MAP7: variants seen among roughly 807,000 people sequenced by gnomAD.
MAP7 encodes the protein ensconsin.
Under a neutral mutation model 94.8 loss-of-function variants are expected in MAP7, and 52 were observed. The ratio of observed to expected loss-of-function variants is 0.55; its 90% confidence interval spans 0.44 to 0.69. The LOEUF is 0.69. Among genes scored for constraint, MAP7 ranks in the 30% least tolerant of loss-of-function variants. MAP7 has a pLI of 0.00. For synonymous variants in MAP7, 350 were observed against 357.0 expected (o/e 0.98, Z 0.22); for missense variants, 940 against 964.6 (o/e 0.97, Z 0.34).
intron 1 of MAP7, among the ~76,000 whole-genome samples, chr6:136,438,955 AG>A (rs1470884649): frequency 1.3e-5 from 2 of 152,216 alleles, no homozygotes; most frequent in Non-Finnish European, 2.9e-5. Flanking sequence ...GCCAAAATTC[AG>A]GCTACAGAAT....
intron 10 of MAP7, among the ~76,000 whole-genome samples, chr6:136,363,327 C>T (rs1793360389): frequency 6.6e-6 from 1 of 152,196 alleles, no homozygotes; most frequent in South Asian, 2.1e-4. Flanking sequence ...AGGAAGATGA[C>T]CTAGAGAGCT....
chr6:136,496,911 G>A (rs767591939), intron 1 of MAP7, among the ~76,000 whole-genome samples: 25 of 151,176 alleles, frequency 1.7e-4, no homozygotes, highest in Middle Eastern at 3.4e-3. Flanking sequence ...CGGAGATCGC[G>A]CCACTGCACT....
At chr6:136,349,501 G>GT (rs1279997858) in intron 16 of MAP7, among the ~76,000 whole-genome samples, 1 of 152,070 alleles carries the variant, frequency 6.6e-6, no homozygotes, top group African/African-American at 2.4e-5. Context: ...AGCCTCCCGC[G>GT]TATCTGGGAC....
At chr6:136,509,234 T>C (rs529753560) in intron 1 of MAP7, among the ~76,000 whole-genome samples, 1 of 152,342 alleles carries the variant, frequency 6.6e-6, no homozygotes, top group Non-Finnish European at 1.5e-5. Flanking sequence ...CCAGTGTCAG[T>C]GGCCAACAGT....
intron 1 of MAP7, chr6:136,526,584 G>T (rs76374072): frequency 1.0e-6 from 1 of 985,362 alleles, no homozygotes; most frequent in Admixed American, 6.1e-5. Context: ...CTGGGTTCTG[G>T]GAACTCACCA....
At chr6:136,404,431 C>CTTTGAA (rs1785020106) in intron 3 of MAP7, among the ~76,000 whole-genome samples, 1 of 149,788 alleles carries the variant, frequency 6.7e-6, no homozygotes, top group African/African-American at 2.4e-5. Flanking sequence ...TATAATTTAA[C>CTTTGAA]CAAAGTTTGT....
At chr6:136,356,920 C>T in intron 15 of MAP7, 126 bp from the exon 16 acceptor site, 2 of 685,428 alleles carry the variant, frequency 2.9e-6, no homozygotes, top group Non-Finnish European at 5.2e-6. Context: ...AGACCTTGGG[C>T]ACATCACCTA....
chr6:136,407,370 T>C (rs1025351828), intron 3 of MAP7, among the ~76,000 whole-genome samples: 7 of 152,214 alleles, frequency 4.6e-5, no homozygotes, highest in Non-Finnish European at 8.8e-5. Flanking sequence ...GTGATAGTTA[T>C]GCAAGATATA....
chr6:136,412,356 G>T (rs1298886469), intron 2 of MAP7, among the ~76,000 whole-genome samples: 1 of 151,922 alleles, frequency 6.6e-6, no homozygotes, highest in East Asian at 1.9e-4. Flanking sequence ...ACCAAAAAAA[G>T]ACAAAAACCT....
At chr6:136,494,903 C>T (rs1020174802) in intron 1 of MAP7, among the ~76,000 whole-genome samples, 2 of 152,110 alleles carry the variant, frequency 1.3e-5, no homozygotes, top group South Asian at 2.1e-4. Context: ...TCCATAGATA[C>T]CACAGATGAA....
intron 11 of MAP7, 106 bp from the exon 12 acceptor site, chr6:136,361,285 T>A: frequency 2.6e-6 from 3 of 1,169,050 alleles, no homozygotes; most frequent in South Asian, 1.3e-5. Flanking sequence ...AGGCGTCCAG[T>A]AGAAAAATCC....
In MAP7 at chr6:136,505,271, GTGTGTGTATATATATATA is replaced by G. The variant is rs1279035967; in HGVS notation, c.67+45053_67+45070del. 1.9e-4 allele frequency among the ~76,000 whole-genome samples: 18 copies of G among 95,454 alleles called. No individual in the cohort carries two copies. The East Asian group carries it at 3.7e-3, about 20-fold the overall frequency. 62.6% of individuals were successfully genotyped at this position (95,454 alleles called of 152,430 possible). A position where few individuals can be genotyped will look rare whatever the true frequency, so the allele number is the denominator to read the frequency against. ...ATGTAATGTGTGTGTGTGTGTGTGT[GTGTGTGTATATATATATA>G]TATATATATATATATATATATATAG... On this transcript the variant is annotated intron_variant, in intron 1 of 17. Transcript: ENST00000354570.
intron 7 of MAP7, among the ~76,000 whole-genome samples, chr6:136,373,631 T>C (rs1179214798): frequency 6.6e-6 from 1 of 152,210 alleles, no homozygotes; most frequent in Non-Finnish European, 1.5e-5. Flanking sequence ...CAGATCTCAT[T>C]CAGAAATTTT....
At chr6:136,447,782 T>C (rs1417997231) in intron 1 of MAP7, among the ~76,000 whole-genome samples, 1 of 152,202 alleles carries the variant, frequency 6.6e-6, no homozygotes, top group East Asian at 1.9e-4. Flanking sequence ...AAGCAATGAC[T>C]TTCACATGAC....
chr6:136,545,938 A>C (rs1051689461), intron 1 of MAP7, among the ~76,000 whole-genome samples: 1 of 152,216 alleles, frequency 6.6e-6, no homozygotes, highest in Non-Finnish European at 1.5e-5. Flanking sequence ...AGATATTTTT[A>C]AAAGTACAAT....
intron 1 of MAP7, among the ~76,000 whole-genome samples, chr6:136,499,518 C>G (rs759298254): frequency 6.6e-6 from 1 of 152,064 alleles, no homozygotes; most frequent in Non-Finnish European, 1.5e-5. Context: ...GCAGAGCCCT[C>G]CAATTCCACA....
intron 1 of MAP7, among the ~76,000 whole-genome samples, chr6:136,439,542 G>A (rs1167614984): frequency 1.3e-5 from 2 of 152,128 alleles, no homozygotes; most frequent in East Asian, 1.9e-4. Flanking sequence ...TCTCTAGGAC[G>A]CGCTTAGATG....
chr6:136,478,996 G>GA (rs1811885458), intron 1 of MAP7, among the ~76,000 whole-genome samples: 1 of 97,564 alleles, frequency 1.0e-5, no homozygotes, highest in Admixed American at 1.0e-4. Context: ...AAAAAAAAAA[G>GA]AAAGAAAGAA....
At chr6:136,525,808 C>T (rs935252069) in intron 1 of MAP7, 17 of 1,528,988 alleles carry the variant, frequency 1.1e-5, no homozygotes, top group Non-Finnish European at 1.4e-5. Context: ...CTGGCTCCGA[C>T]CAAAGGGTGG....
Sources: gnomAD v4.1 joint callset for allele counts (sites outside exome capture counted in the v4.1 genomes callset) on GRCh38, gnomAD v4.1.1 for gene constraint, MANE v1.5 for transcripts, NCBI Gene and HGNC (gene_info 2026-07-23, HGNC 2026-07-21) for gene names.